HSP90AB1: variants seen among roughly 807,000 people sequenced by gnomAD.
HSP90AB1 encodes the protein heat shock protein 90 alpha family class B member 1, also known as heat shock protein HSP 90-beta.
A neutral mutation model predicts 67.8 loss-of-function variants in HSP90AB1; 17 were observed. The ratio of observed to expected loss-of-function variants is 0.25; its 90% confidence interval spans 0.17 to 0.38. The LOEUF (loss-of-function observed/expected upper bound fraction) is 0.38, where lower values mean the gene tolerates loss of function less well. HSP90AB1 is among the 10% of genes least tolerant of loss of function. The pLI is 1.00. For missense variants in HSP90AB1, 690 were observed against 899.9 expected (o/e 0.77, Z 2.98); for synonymous variants, 390 against 312.9 (o/e 1.25, Z -2.60).
At chr6:44,251,336 A>AT (rs1429368232) in intron 7 of HSP90AB1, 82 bp from the exon 8 acceptor site, 3 of 1,504,554 alleles carry the variant, frequency 2.0e-6, no homozygotes, top group South Asian at 1.2e-5. Flanking sequence ...TCAGGAGGCT[A>AT]TTAGAGCCTT....
At chr6:44,247,020 C>T (rs1055807038), upstream of HSP90AB1, 3 of 152,150 alleles carry the variant, frequency 2.0e-5, no homozygotes, top group African/African-American at 7.2e-5. Context: ...CAATCATACT[C>T]CTTTAAGGCG....
chr6:44,251,889 G>A lies in HSP90AB1; in HGVS notation c.1462+5G>A. On this transcript the variant is annotated splice_donor_5th_base_variant and intron_variant, in intron 9 of 11. Coordinates refer to ENST00000371646, the MANE Select transcript of HSP90AB1 (RefSeq NM_007355.4). ...AGTCCATCTATTACATCACTGGTGC[G>A]TTGACTCTGATTGAAGCCTTTTTGG... 1.9e-6 allele frequency: 3 copies of A among 1,613,300 alleles called. No homozygotes were observed. The highest frequency in any genetic ancestry group is 2.5e-6 in the Non-Finnish European group (3 of 1,180,002).
In HSP90AB1 at chr6:44,247,165, C is replaced by T. The variant is rs28362554; in HGVS notation, c.-31C>T. 6.6e-6 allele frequency: 1 copy of T among 152,260 alleles called. No individual in the cohort carries two copies. Among genetic ancestry groups the T allele is most frequent in the Non-Finnish European group, 1.5e-5 (1 of 68,066 alleles). 9.4% of individuals were successfully genotyped at this position (152,260 alleles called of 1,614,324 possible). A position where few individuals can be genotyped will look rare whatever the true frequency, so the allele number is the denominator to read the frequency against. ...TATCGGAAAGCAAGCCTACGTTGCT[C>T]ACTATTACGTATAATCCTTTTCTTT... On this transcript the variant is annotated 5_prime_UTR_variant, in exon 1 of 12. Coordinates refer to ENST00000371646, the MANE Select transcript of HSP90AB1 (RefSeq NM_007355.4).
chr6:44,249,235 A>G, intron 2 of HSP90AB1, 142 bp from the exon 3 acceptor site: 1 of 656,182 alleles, frequency 1.5e-6, no homozygotes, highest in Non-Finnish European at 2.7e-6. Flanking sequence ...CTACTTGGGA[A>G]GCTGGGGTTG....
chr6:44,253,399 G>A, intron 11 of HSP90AB1, 21 bp downstream of exon 11: 1 of 1,604,384 alleles, frequency 6.2e-7, no homozygotes. Flanking sequence ...TTGGTACTTG[G>A]TGTGGCAAGG....
intron 7 of HSP90AB1, 50 bp from the exon 8 acceptor site, chr6:44,251,368 G>A (rs34072228): frequency 1.4e-5 from 22 of 1,568,874 alleles, no homozygotes; most frequent in Non-Finnish European, 1.8e-5. Flanking sequence ...TGGGGACCAG[G>A]TCTGGTCTAG....
chr6:44,249,014 G>C (rs1780325389), intron 2 of HSP90AB1, among the ~76,000 whole-genome samples: 1 of 152,198 alleles, frequency 6.6e-6, no homozygotes, highest in Non-Finnish European at 1.5e-5. Context: ...AATCAGATTT[G>C]AGGCTGAGAG....
chr6:44,252,234 C>T lies in HSP90AB1; in HGVS notation c.1698C>T (p.Leu566=), dbSNP rs1780721909. 6.2e-7 allele frequency: 1 copy of T among 1,613,878 alleles called. No homozygotes were observed. Among genetic ancestry groups the T allele is most frequent in the Non-Finnish European group, 8.5e-7 (1 of 1,180,008 alleles). The change falls in exon 10 of 12, where the codon CTC becomes CTT. Residue 566 remains leucine (L), a synonymous_variant. Transcript: ENST00000371646. ...CAAAGTTTGAGAACCTCTGCAAGCT[C>T]ATGAAAGAAATCTTAGATAAGAAGG... ...SKAKFENLCK[L]MKEILDKKVE... is the part of the protein sequence containing the mutation.
Position 44,251,428 on chromosome 6 carries a change from T to C in HSP90AB1, c.1134T>C (p.Arg378=), listed in dbSNP as rs1780631724. The C allele has an allele frequency of 1.2e-6, 2 of 1,602,780 alleles. No homozygotes were observed. The highest frequency in any genetic ancestry group is 1.1e-5 in the South Asian group (1 of 89,994). ...ELIPEYLNFI[R]GVVDSEDLPL... is the part of the protein sequence containing the mutation. ...CCTGGTTGATGGCAGATTTTATCCG[T>C]GGTGTGGTTGACTCTGAGGATCTGC... Residue 378 remains arginine, a synonymous_variant, in exon 8 of 12, where the codon CGT becomes CGC. Transcript: ENST00000371646.
At chr6:44,246,463 A>G (rs1386062585), upstream of HSP90AB1, 1 of 153,104 alleles carries the variant, frequency 6.5e-6, no homozygotes, top group Non-Finnish European at 1.5e-5. Context: ...ACTGCTGGAA[A>G]TGCCGCAGTG....
In HSP90AB1 at chr6:44,250,079, G is replaced by A; in HGVS notation, c.573G>A (p.Glu191=). The A allele has an allele frequency of 6.2e-7, 1 of 1,614,150 alleles. No individual in the cohort carries two copies. Among genetic ancestry groups the A allele is most frequent in the African/African-American group, 1.3e-5 (1 of 75,068 alleles). ...TCCATCTTAAAGAAGATCAGACAGA[G>A]TACCTAGAAGAGAGGCGGGTCAAAG... ...VILHLKEDQT[E]YLEERRVKEV... is the part of the protein sequence containing the mutation. Residue 191 remains glutamate, a synonymous_variant, in exon 5 of 12, where the codon GAG becomes GAA. Coordinates refer to ENST00000371646, the MANE Select transcript of HSP90AB1 (RefSeq NM_007355.4).
chr6:44,249,824 T>C lies in HSP90AB1; in HGVS notation c.504T>C (p.Arg168=), dbSNP rs111881934. The C allele has an allele frequency of 1.8e-4, 286 of 1,607,982 alleles. No homozygotes were observed. In the East Asian group the frequency reaches 1.9e-3, roughly 11 times the overall value. The change falls in exon 4 of 12, where the codon CGT becomes CGC. Residue 168 remains arginine (R), a synonymous_variant. Transcript: ENST00000371646. ...CTGCTGGAGGTTCCTTCACTGTGCG[T>C]GCTGACCATGGTAAGTTAGCTTTTC... ...ESSAGGSFTV[R]ADHGEPIGRG...
chr6:44,252,658 G>A (rs570665288), intron 10 of HSP90AB1, among the ~76,000 whole-genome samples: 5 of 152,112 alleles, frequency 3.3e-5, no homozygotes, highest in African/African-American at 1.2e-4. Flanking sequence ...ACCACACCCC[G>A]GCTAATTTTT....
upstream of HSP90AB1, among the ~76,000 whole-genome samples, chr6:44,246,529 G>A (rs1779924439): frequency 6.6e-6 from 1 of 152,186 alleles, no homozygotes; most frequent in Non-Finnish European, 1.5e-5. Context: ...GCCCCGGCCG[G>A]CGCCCTCCCC....
At chr6:44,246,555 C>T (rs1024386199), upstream of HSP90AB1, among the ~76,000 whole-genome samples, 2 of 152,220 alleles carry the variant, frequency 1.3e-5, no homozygotes, top group South Asian at 4.1e-4. Flanking sequence ...CTGAGCTGCC[C>T]CTCAGCGCGA....
At position 44,250,497 on chromosome 6, in the gene HSP90AB1, C is replaced by G. The variant is rs777562949; in HGVS notation, c.855C>G (p.Thr285=). The part of the protein sequence containing the change: ...KYIDQEELNK[T]KPIWTRNPDD... Reference sequence around the variant, plus strand: ...TTGATCAGGAAGAACTAAACAAGACCAAGCCTATTTGGACCAGAAACCCTG... The same window carrying G: ...TTGATCAGGAAGAACTAAACAAGACGAAGCCTATTTGGACCAGAAACCCTG... Residue 285 remains threonine (T), a synonymous_variant, in exon 6 of 12, where the codon ACC becomes ACG. Coordinates refer to ENST00000371646, the MANE Select transcript of HSP90AB1 (RefSeq NM_007355.4). 2 of 1,613,780 alleles carry G rather than the reference C, an allele frequency of 1.2e-6. No homozygotes were observed. Among genetic ancestry groups the G allele is most frequent in the South Asian group, 2.2e-5 (2 of 91,062 alleles).
Position 44,249,671 on chromosome 6 carries a change from G to T in HSP90AB1, c.355-4G>T, listed in dbSNP as rs776878454. 1 of 1,612,050 alleles carries T rather than the reference G, an allele frequency of 6.2e-7. No individual in the cohort carries two copies. The highest frequency in any genetic ancestry group is 1.1e-5 in the South Asian group (1 of 90,878). On this transcript the variant is annotated splice_region_variant and splice_polypyrimidine_tract_variant and intron_variant, in intron 3 of 11. Transcript: ENST00000371646. ...CTTGTGATTGACTTTAAACTTGTTG[G>T]CAGGCTGGTGCAGACATCTCCATGA...
At chr6:44,248,075 C>T (rs1180285811) in intron 1 of HSP90AB1, 1 of 152,418 alleles carries the variant, frequency 6.6e-6, no homozygotes, top group African/African-American at 2.4e-5. Flanking sequence ...TTAATTGCTC[C>T]TCCGGTGGGT....
rs747647716 is a variant in HSP90AB1 at position 44,249,851 on chromosome 6, G to A, written c.514+17G>A. 2.5e-6 allele frequency: 4 copies of A among 1,600,768 alleles called. No homozygotes were observed. The Admixed American group carries it at 6.9e-5, about 28-fold the overall frequency. ...CTGACCATGGTAAGTTAGCTTTTCT[G>A]TTACAAGGTAGTTGGGTTAGGATTT... On this transcript the variant is annotated intron_variant, in intron 4 of 11. Coordinates refer to ENST00000371646, the MANE Select transcript of HSP90AB1 (RefSeq NM_007355.4).
Sources: allele counts gnomAD v4.1 joint callset (sites outside exome capture counted in the v4.1 genomes callset), GRCh38; gene constraint gnomAD v4.1.1; transcripts MANE v1.5; gene names NCBI Gene and HGNC (gene_info 2026-07-23, HGNC 2026-07-21).